PLOD1: variants seen among roughly 807,000 people sequenced by gnomAD.
PLOD1 encodes the protein lysine hydroxylase.
PLOD1 carries 70 observed loss-of-function variants against 94.7 expected under a neutral mutation model. That is an observed-to-expected ratio of 0.74 (90% confidence interval 0.61 to 0.90). The LOEUF is 0.90. Ranked by LOEUF, PLOD1 falls within the 40% of genes least tolerant of loss-of-function variation. The pLI, the probability that PLOD1 is intolerant of heterozygous loss-of-function variation, is 0.00. For synonymous variants in PLOD1, 417 were observed against 400.2 expected (o/e 1.04, Z -0.50); for missense variants, 905 against 972.7 (o/e 0.93, Z 0.93).
chr1:11,943,111 G>T (rs1037769459), intron 1 of PLOD1, among the ~76,000 whole-genome samples: 2 of 151,892 alleles, frequency 1.3e-5, no homozygotes, highest in African/African-American at 4.8e-5. Flanking sequence ...TCCACCTCCC[G>T]AGTAGCTGGG....
At chr1:11,967,633 A>T (rs1645830381) in intron 16 of PLOD1, among the ~76,000 whole-genome samples, 1 of 112,626 alleles carries the variant, frequency 8.9e-6, no homozygotes. Flanking sequence ...ATATATATAG[A>T]TTTTATTTAT....
intron 4 of PLOD1, among the ~76,000 whole-genome samples, chr1:11,951,877 C>A (rs1477516450): frequency 6.6e-6 from 1 of 152,000 alleles, no homozygotes; most frequent in Non-Finnish European, 1.5e-5. Context: ...CGAGATCGTG[C>A]CACTGCACTC....
intron 6 of PLOD1, 51 bp from the exon 7 acceptor site, chr1:11,956,866 G>C (rs377072799): frequency 7.8e-7 from 1 of 1,283,418 alleles, no homozygotes; most frequent in Admixed American, 1.7e-5. Context: ...TGGACCCTGA[G>C]CCTGACCTCT....
At chr1:11,936,497 T>C (rs904026341) in intron 1 of PLOD1, among the ~76,000 whole-genome samples, 6 of 151,864 alleles carry the variant, frequency 4.0e-5, no homozygotes, top group Non-Finnish European at 7.4e-5. Context: ...GGGTCAGGAA[T>C]GGGAACCACC....
intron 18 of PLOD1, among the ~76,000 whole-genome samples, chr1:11,973,325 C>T (rs1645879776): frequency 6.6e-6 from 1 of 152,092 alleles, no homozygotes; most frequent in African/African-American, 2.4e-5. Flanking sequence ...CATGGCGAAA[C>T]CCCATTTCCA....
intron 15 of PLOD1, 71 bp downstream of exon 15, chr1:11,966,387 C>A: frequency 1.8e-6 from 2 of 1,095,898 alleles, no homozygotes; most frequent in Non-Finnish European, 2.7e-6. Context: ...AGGGAAACTG[C>A]TTGCCCTGGG....
At chr1:11,956,410 C>A (rs1645738162) in intron 6 of PLOD1, among the ~76,000 whole-genome samples, 1 of 152,088 alleles carries the variant, frequency 6.6e-6, no homozygotes, top group Admixed American at 6.6e-5. Flanking sequence ...AAAACACACA[C>A]AAAAAACATG....
Position 11,957,028 on chromosome 1 carries a change from A to C in PLOD1, c.741+14A>C. On this transcript the variant is annotated intron_variant, in intron 7 of 18. Coordinates refer to ENST00000196061, the MANE Select transcript of PLOD1 (RefSeq NM_000302.4). This position sits in a 1 kb window ranked among gnomAD's most constrained non-coding sequence, Gnocchi z 4.1. The stretch of plus-strand genomic sequence containing the variant: ...GGGCCAACCAAGGTAGGGGGTCCCC[A>C]GCCCCTGGGGAGTGTGGGAGGGGGC... The C allele has an allele frequency of 6.4e-7, 1 of 1,552,152 alleles. No homozygotes were observed. Among genetic ancestry groups the C allele is most frequent in the Non-Finnish European group, 8.9e-7 (1 of 1,123,546 alleles).
At chr1:11,939,057 A>G (rs1411497595) in intron 1 of PLOD1, among the ~76,000 whole-genome samples, 1 of 152,324 alleles carries the variant, frequency 6.6e-6, no homozygotes, top group East Asian at 1.9e-4. Flanking sequence ...AACTTCTAGC[A>G]GATCTCCAGC....
At chr1:11,968,718 G>A (rs1160010819) in intron 16 of PLOD1, among the ~76,000 whole-genome samples, 3 of 151,310 alleles carry the variant, frequency 2.0e-5, no homozygotes, top group Non-Finnish European at 4.4e-5. Flanking sequence ...TCACCATTTT[G>A]GTCAGGCTGG....
Position 11,963,604 on chromosome 1 carries a change from C to T in PLOD1, c.1170C>T (p.Pro390=), listed in dbSNP as rs1482515706. The change falls in exon 11 of 19, where the codon CCC becomes CCT. Residue 390 remains proline, a synonymous_variant. Coordinates refer to ENST00000196061, the MANE Select transcript of PLOD1 (RefSeq NM_000302.4). This position sits in a 1 kb window ranked among gnomAD's most constrained non-coding sequence, Gnocchi z 4.3. ...ATGCTGACGTGGCCCTGACCGAGCC[C>T]AACAGCCTGCGGCTGCTGATCCAAC... ...SVDADVALTE[P]NSLRLLIQQN... 1 of 1,601,300 alleles carries T rather than the reference C, an allele frequency of 6.2e-7. No homozygotes were observed. The highest frequency in any genetic ancestry group is 2.3e-5 in the East Asian group (1 of 44,426).
intron 1 of PLOD1, among the ~76,000 whole-genome samples, chr1:11,945,627 A>C (rs1291281643): frequency 2.0e-5 from 3 of 152,130 alleles, no homozygotes; most frequent in African/African-American, 7.2e-5. Context: ...ATCACCCGCC[A>C]GATCAGAGAG....
chr1:11,950,758 CCCT>C (rs1645695371), intron 4 of PLOD1, among the ~76,000 whole-genome samples: 1 of 152,140 alleles, frequency 6.6e-6, no homozygotes, highest in Non-Finnish European at 1.5e-5. Flanking sequence ...TCCTCCCTTG[CCCT>C]CCTCCACCTA....
At chr1:11,965,424 G>A (rs1379204584) in intron 13 of PLOD1, 56 bp from the exon 14 acceptor site, 5 of 1,016,906 alleles carry the variant, frequency 4.9e-6, no homozygotes, top group Non-Finnish European at 7.8e-6. Flanking sequence ...CAGGGGAGGG[G>A]TGAGGGCAGG....
intron 5 of PLOD1, among the ~76,000 whole-genome samples, chr1:11,953,283 T>C (rs56664002): frequency 1.3e-5 from 2 of 151,774 alleles, no homozygotes; most frequent in African/African-American, 2.4e-5. Flanking sequence ...CTCGAACTCC[T>C]GTCCTCAGGT....
chr1:11,958,673 C>T lies in PLOD1; in HGVS notation c.975+26C>T, dbSNP rs181762591. On this transcript the variant is annotated intron_variant, in intron 9 of 18. Transcript: ENST00000196061. The surrounding 1 kb of genome is among the most constrained non-coding windows in gnomAD (Gnocchi z 4.3). ...GTGAGTAACAGGCGCTCTGTGGGGT[C>T]GTCATGTGGCTTAGATCCAGGGCCC... 3,570 of 1,613,628 alleles carry T rather than the reference C, an allele frequency of 2.2e-3. 5 individuals are homozygous for T. Among genetic ancestry groups the T allele is most frequent in the Admixed American group, 2.8e-3 (167 of 59,998 alleles).
chr1:11,951,788 A>G (rs1042848973), intron 4 of PLOD1, among the ~76,000 whole-genome samples: 5 of 151,532 alleles, frequency 3.3e-5, no homozygotes, highest in East Asian at 1.9e-4. Flanking sequence ...GTGTGGTGGC[A>G]GGCGCCTGTA....
chr1:11,954,518 G>A (rs977142899), intron 5 of PLOD1: 14 of 641,486 alleles, frequency 2.2e-5, no homozygotes, highest in South Asian at 5.5e-5. Flanking sequence ...AGCTATGTGC[G>A]TGTAGTGGAG....
intron 1 of PLOD1, among the ~76,000 whole-genome samples, chr1:11,935,316 C>T (rs1645570501): frequency 6.6e-6 from 1 of 152,034 alleles, no homozygotes; most frequent in South Asian, 2.1e-4. Flanking sequence ...ACCCAGGTGT[C>T]TGGTTCCAGA....
Sources: gnomAD v4.1 joint callset for allele counts (sites outside exome capture counted in the v4.1 genomes callset) on GRCh38, gnomAD v4.1.1 for gene constraint, Gnocchi (gnomAD v3.1) non-coding constraint, MANE v1.5 for transcripts, NCBI Gene and HGNC (gene_info 2026-07-23, HGNC 2026-07-21) for gene names.